SYN3: variants seen among roughly 807,000 people sequenced by gnomAD.
SYN3 encodes the protein synapsin-3.
In SYN3, 35 loss-of-function variants were observed where a neutral mutation model predicts 65.8. That is an observed-to-expected ratio of 0.53 (90% CI 0.41 to 0.70). The LOEUF is 0.70. Ranked by LOEUF, SYN3 falls within the 30% of genes least tolerant of loss-of-function variation. SYN3 has a pLI of 0.00. For missense variants in SYN3, 680 were observed against 749.0 expected, an observed-to-expected ratio of 0.91 and a Z score of 1.08; for synonymous variants, 270 against 292.9, an observed-to-expected ratio of 0.92 and a Z score of 0.80.
chr22:32,669,706 T>C (rs2060335560), intron 6 of SYN3, among the ~76,000 whole-genome samples: 3 of 152,234 alleles, frequency 2.0e-5, no homozygotes, highest in Non-Finnish European at 4.4e-5. Flanking sequence ...CAAAGCTGTA[T>C]ATTCCAGACT....
At chr22:32,677,378 A>C (rs2060460732) in intron 6 of SYN3, among the ~76,000 whole-genome samples, 3 of 152,220 alleles carry the variant, frequency 2.0e-5, no homozygotes, top group Non-Finnish European at 1.5e-5. Context: ...TGTTCATGGA[A>C]GACTGCAGGG....
chr22:32,862,601 T>A (rs984843216), intron 6 of SYN3: 6 of 152,192 alleles, frequency 3.9e-5, no homozygotes, highest in Admixed American at 6.5e-5. Context: ...GGTTAACATG[T>A]CACTAGAGTA....
rs79957554 is a variant in SYN3 at position 32,870,922 on chromosome 22, A to G, written c.462-1797T>C. Among the ~76,000 whole-genome samples, 781 of 152,268 alleles carry G rather than the reference A, an allele frequency of 5.1e-3. 5 individuals are homozygous for G. The highest frequency in any genetic ancestry group is 0.017 in the Middle Eastern group (5 of 294). On this transcript the variant is annotated intron_variant, in intron 4 of 13. Coordinates refer to ENST00000358763, the MANE Select transcript of SYN3 (RefSeq NM_003490.4). ...TTAAGGATACTGCCCTTTATCCATC[A>G]TGTGTGGCAATGTTTTTACTAGATG... is the stretch of plus-strand genomic sequence containing the variant.
chr22:32,653,117 G>T (rs2060095758), intron 6 of SYN3, among the ~76,000 whole-genome samples: 1 of 152,100 alleles, frequency 6.6e-6, no homozygotes, highest in African/African-American at 2.4e-5. Flanking sequence ...TTTCTTCCCA[G>T]AATGACTTAA....
intron 6 of SYN3, among the ~76,000 whole-genome samples, chr22:32,773,780 T>C (rs2045836959): frequency 1.3e-5 from 2 of 152,228 alleles, no homozygotes; most frequent in Middle Eastern, 3.4e-3. Context: ...AGTGAAGTAT[T>C]ACAGGGCCTG....
rs944359765 is a variant in SYN3, at chr22:32,837,377, G to A, written c.711+27538C>T. On this transcript the variant is annotated intron_variant, in intron 6 of 13. Transcript: ENST00000358763. This position sits in a 1 kb window ranked among gnomAD's most constrained non-coding sequence, Gnocchi z 4.1. ...GCACTTGCATGGCAGTAAGCAAGTC[G>A]GCGCCTCTGACCCCTGAGTGGGCTT... Among the ~76,000 whole-genome samples, 7 of 147,096 alleles carry A rather than the reference G, an allele frequency of 4.8e-5. No individual in the cohort carries two copies. The highest frequency in any genetic ancestry group is 1.9e-4 in the East Asian group (1 of 5,164).
intron 3 of SYN3, among the ~76,000 whole-genome samples, chr22:32,971,304 C>G (rs1041629950): frequency 6.6e-6 from 1 of 152,038 alleles, no homozygotes; most frequent in Admixed American, 6.6e-5. Context: ...TTTTTTATCC[C>G]CCCAGCTGGT....
chr22:32,546,487 G>A (rs2058337711), intron 7 of SYN3, among the ~76,000 whole-genome samples: 1 of 152,132 alleles, frequency 6.6e-6, no homozygotes, highest in Non-Finnish European at 1.5e-5. Flanking sequence ...ACAAGTTCTT[G>A]AGAACCGGAA....
intron 6 of SYN3, among the ~76,000 whole-genome samples, chr22:32,677,586 C>G (rs1226506108): frequency 3.3e-5 from 5 of 152,090 alleles, no homozygotes; most frequent in African/African-American, 1.2e-4. Context: ...AACATGAGGT[C>G]AGGAGATCGA....
At chr22:32,803,982 G>A (rs1192008906) in intron 6 of SYN3, among the ~76,000 whole-genome samples, 1 of 152,118 alleles carries the variant, frequency 6.6e-6, no homozygotes, top group Non-Finnish European at 1.5e-5. Context: ...CTTCCCGTCT[G>A]CTTACTGCTT....
intron 7 of SYN3, among the ~76,000 whole-genome samples, chr22:32,565,957 C>G (rs2058667587): frequency 6.6e-6 from 1 of 152,102 alleles, no homozygotes; most frequent in African/African-American, 2.4e-5. Context: ...GGTGATCTGC[C>G]CGCCTCGGCC....
intron 6 of SYN3, among the ~76,000 whole-genome samples, chr22:32,738,696 A>G (rs2061364229): frequency 6.6e-6 from 1 of 152,250 alleles, no homozygotes; most frequent in African/African-American, 2.4e-5. Context: ...AAGGGAAAAC[A>G]GAACATTCCA....
At chr22:32,556,834 T>TTTTTTTTTTGTG (rs1569035464) in intron 7 of SYN3, among the ~76,000 whole-genome samples, 2 of 129,292 alleles carry the variant, frequency 1.5e-5, no homozygotes, top group Non-Finnish European at 3.3e-5. Flanking sequence ...TTTTTTTTTT[T>TTTTTTTTTTGTG]TGTGTGTAGA....
chr22:32,604,970 C>T (rs1438407188), intron 6 of SYN3, among the ~76,000 whole-genome samples: 2 of 142,298 alleles, frequency 1.4e-5, no homozygotes, highest in Admixed American at 7.2e-5. Context: ...GGCGCCACTG[C>T]ACACCAGCCT....
chr22:33,035,442 C>T (rs2053842221), intron 1 of SYN3, among the ~76,000 whole-genome samples: 1 of 148,304 alleles, frequency 6.7e-6, no homozygotes, highest in South Asian at 2.1e-4. Context: ...TATGCATCAG[C>T]CAGGTCCCCG....
At chr22:32,750,970 A>C (rs901920026) in intron 6 of SYN3, among the ~76,000 whole-genome samples, 1 of 152,142 alleles carries the variant, frequency 6.6e-6, no homozygotes, top group South Asian at 2.1e-4. Context: ...ACCTCATAGC[A>C]GTCTCTGATA....
intron 8 of SYN3, among the ~76,000 whole-genome samples, chr22:32,540,261 C>T (rs371860768): frequency 4.6e-5 from 7 of 152,340 alleles, no homozygotes; most frequent in Admixed American, 4.6e-4. Context: ...AATGGGCGTG[C>T]ATGGCTGTGA....
At chr22:32,863,145 C>T (rs2048593518) in intron 6 of SYN3, 1 of 152,602 alleles carries the variant, frequency 6.6e-6, no homozygotes, top group South Asian at 2.1e-4. Flanking sequence ...GGACACATCC[C>T]TCCCTCCATG....
chr22:32,554,689 C>T (rs2058466419), intron 7 of SYN3, among the ~76,000 whole-genome samples: 1 of 152,196 alleles, frequency 6.6e-6, no homozygotes, highest in Non-Finnish European at 1.5e-5. Flanking sequence ...AGGGGAAAGA[C>T]ACAGCAGTAA....
Sources: allele counts gnomAD v4.1 joint callset (sites outside exome capture counted in the v4.1 genomes callset), GRCh38; gene constraint gnomAD v4.1.1; non-coding constraint Gnocchi (gnomAD v3.1); transcripts MANE v1.5; gene names NCBI Gene and HGNC (gene_info 2026-07-23, HGNC 2026-07-21).